TBL1XR1: variants seen among roughly 807,000 people sequenced by gnomAD.
TBL1XR1 encodes the protein F-box-like/WD repeat-containing protein TBL1XR1.
TBL1XR1 carries 5 observed loss-of-function variants against 66.9 expected under a neutral mutation model. The ratio of observed to expected loss-of-function variants is 0.07; its 90% CI spans 0.04 to 0.16. TBL1XR1 has a LOEUF of 0.16. TBL1XR1 is among the 10% of genes least tolerant of loss of function. TBL1XR1 has a pLI of 1.00. For synonymous variants in TBL1XR1, 210 were observed against 206.0 expected (o/e 1.02, Z -0.17); for missense variants, 238 against 623.2 (o/e 0.38, Z 6.58).
rs548464139 is a variant in TBL1XR1 at position 177,178,211 on chromosome 3, G to A, written c.-122+18910C>T. ...GGGGCCAGATCGCACAGCAGAGTTTGGGGAGGAGGGACCCTCATAGGCTAA... is the reference window on the plus strand; with the variant it reads ...GGGGCCAGATCGCACAGCAGAGTTTAGGGAGGAGGGACCCTCATAGGCTAA... On this transcript the variant is annotated intron_variant, in intron 1 of 15. Coordinates refer to ENST00000457928, the MANE Select transcript of TBL1XR1 (RefSeq NM_024665.7). Among the ~76,000 whole-genome samples, 12 of 152,246 alleles carry A rather than the reference G, an allele frequency of 7.9e-5. No homozygotes were observed. The South Asian group carries it at 2.3e-3, about 29-fold the overall frequency.
chr3:177,174,583 AGAG>A (rs1470738007), intron 1 of TBL1XR1, among the ~76,000 whole-genome samples: 1 of 152,062 alleles, frequency 6.6e-6, no homozygotes, highest in South Asian at 2.1e-4. Context: ...CCCCAGAAAA[AGAG>A]GAGCAGTAGC....
intron 1 of TBL1XR1, among the ~76,000 whole-genome samples, chr3:177,144,534 A>G (rs1360510096): frequency 6.6e-6 from 1 of 151,960 alleles, no homozygotes; most frequent in Non-Finnish European, 1.5e-5. Context: ...CGGGTGGATC[A>G]TGAGGTCAGG....
intron 14 of TBL1XR1, among the ~76,000 whole-genome samples, chr3:177,029,893 C>T (rs1713696186): frequency 2.0e-5 from 3 of 151,984 alleles, no homozygotes; most frequent in Admixed American, 2.0e-4. Context: ...CAAGAAAATG[C>T]AAATACAAAA....
chr3:177,137,186 T>C (rs1397761716), intron 1 of TBL1XR1, among the ~76,000 whole-genome samples: 8 of 152,210 alleles, frequency 5.3e-5, no homozygotes, highest in Non-Finnish European at 1.0e-4. Flanking sequence ...AAAGAAGTAA[T>C]GTACCTTAGA....
intron 1 of TBL1XR1, chr3:177,193,919 A>G (rs1318238675): frequency 6.6e-6 from 1 of 152,234 alleles, no homozygotes; most frequent in Non-Finnish European, 1.5e-5. Flanking sequence ...CATCCACAAA[A>G]AAAGCCCAAC....
At chr3:177,048,118 T>C (rs1305997854) in intron 7 of TBL1XR1, among the ~76,000 whole-genome samples, 2 of 152,074 alleles carry the variant, frequency 1.3e-5, no homozygotes, top group Non-Finnish European at 2.9e-5. Context: ...AATAAAAAGA[T>C]CAACAAGGAA....
Position 177,114,489 on chromosome 3 carries a change from C to T in TBL1XR1, c.-121-15948G>A, listed in dbSNP as rs1303970387. Among the ~76,000 whole-genome samples, 4 of 151,798 alleles carry T rather than the reference C, an allele frequency of 2.6e-5. 1 individual carries two copies. Among genetic ancestry groups the T allele is most frequent in the Admixed American group, 6.6e-5 (1 of 15,228 alleles). On this transcript the variant is annotated intron_variant, in intron 1 of 15. Transcript: ENST00000457928. The stretch of plus-strand genomic sequence containing the variant: ...GCTAATTTTTAACTTTTTGTAGAGA[C>T]GGGCCCTCACACTGTTGTCCAGGCT...
chr3:177,140,941 A>G (rs564048427), intron 1 of TBL1XR1, among the ~76,000 whole-genome samples: 4 of 152,328 alleles, frequency 2.6e-5, no homozygotes, highest in African/African-American at 9.6e-5. Flanking sequence ...TGTATATTAT[A>G]TATGGCCCAA....
intron 5 of TBL1XR1, among the ~76,000 whole-genome samples, chr3:177,051,298 G>C (rs1246989169): frequency 6.6e-6 from 1 of 151,844 alleles, no homozygotes; most frequent in Admixed American, 6.6e-5. Flanking sequence ...TTCCTGGGGG[G>C]TGGAGGGTGG....
chr3:177,191,095 G>A (rs544442831), intron 1 of TBL1XR1, among the ~76,000 whole-genome samples: 24 of 152,190 alleles, frequency 1.6e-4, no homozygotes, highest in Middle Eastern at 3.4e-3. Flanking sequence ...AAAAACTACC[G>A]TATTTGAGAG....
intron 3 of TBL1XR1, among the ~76,000 whole-genome samples, chr3:177,061,880 C>A (rs1718560746): frequency 6.6e-6 from 1 of 152,064 alleles, no homozygotes; most frequent in Non-Finnish European, 1.5e-5. Flanking sequence ...GCAAAAGTAG[C>A]CACATTTAAG....
At chr3:177,084,981 T>C (rs1322267225) in intron 2 of TBL1XR1, among the ~76,000 whole-genome samples, 1 of 152,226 alleles carries the variant, frequency 6.6e-6, no homozygotes, top group Non-Finnish European at 1.5e-5. Flanking sequence ...AGCACACTTG[T>C]TCAACACTGT....
rs1260883763 is a variant in TBL1XR1, at chr3:177,197,434, T to A, written c.-435A>T. Reference sequence around the variant, plus strand: ...GGAAGGGCGCGAGCGGGGAGAGGAATTGAGGCAGAAGGTAAAAGCTGTTAC... The same window carrying A: ...GGAAGGGCGCGAGCGGGGAGAGGAAATGAGGCAGAAGGTAAAAGCTGTTAC... On this transcript the variant is annotated 5_prime_UTR_variant, in exon 1 of 16. Coordinates refer to ENST00000457928, the MANE Select transcript of TBL1XR1 (RefSeq NM_024665.7). The A allele has an allele frequency of 7.1e-6, 1 of 140,816 alleles. No individual in the cohort carries two copies. The highest frequency in any genetic ancestry group is 7.1e-5 in the Admixed American group (1 of 14,176). 8.7% of individuals were successfully genotyped at this position (140,816 alleles called of 1,614,324 possible).
chr3:177,097,215 T>C (rs1303791943), intron 2 of TBL1XR1, among the ~76,000 whole-genome samples: 1 of 152,368 alleles, frequency 6.6e-6, no homozygotes, highest in East Asian at 1.9e-4. Flanking sequence ...TCAGTTTTTA[T>C]GCCTCCCTAA....
intron 1 of TBL1XR1, among the ~76,000 whole-genome samples, chr3:177,164,224 A>G (rs187846709): frequency 6.6e-6 from 1 of 152,274 alleles, no homozygotes; most frequent in Admixed American, 6.5e-5. Flanking sequence ...GACATTAAAA[A>G]CTGTTCATGT....
At chr3:177,066,111 G>T (rs759522449) in intron 2 of TBL1XR1, among the ~76,000 whole-genome samples, 3 of 152,028 alleles carry the variant, frequency 2.0e-5, no homozygotes, top group Non-Finnish European at 2.9e-5. Flanking sequence ...AACTATGCTG[G>T]TTGTCCTGCC....
chr3:177,129,493 TA>T (rs1190024767), intron 1 of TBL1XR1, among the ~76,000 whole-genome samples: 1 of 152,184 alleles, frequency 6.6e-6, no homozygotes, highest in Non-Finnish European at 1.5e-5. Context: ...AAACAAGCCA[TA>T]AACAAGAGCA....
At chr3:177,175,635 C>T (rs1031982188) in intron 1 of TBL1XR1, among the ~76,000 whole-genome samples, 5 of 152,134 alleles carry the variant, frequency 3.3e-5, no homozygotes, top group African/African-American at 1.2e-4. Flanking sequence ...AAAAACCTCT[C>T]AGAGATTCAA....
chr3:177,082,242 GT>G (rs1721485298), intron 2 of TBL1XR1, among the ~76,000 whole-genome samples: 1 of 152,058 alleles, frequency 6.6e-6, no homozygotes, highest in Admixed American at 6.6e-5. Context: ...TATATTTGGA[GT>G]GATAAAAAGA....
Sources: gnomAD v4.1 joint callset for allele counts (sites outside exome capture counted in the v4.1 genomes callset) on GRCh38, gnomAD v4.1.1 for gene constraint, MANE v1.5 for transcripts, NCBI Gene and HGNC (gene_info 2026-07-23, HGNC 2026-07-21) for gene names.